Variants in RNF168 observed in about 807,000 individuals in gnomAD.
The protein encoded by RNF168 is E3 ubiquitin-protein ligase RNF168.
RNF168 carries 34 observed loss-of-function variants against 34.9 expected under a neutral mutation model. The observed-to-expected ratio is 0.97, with a 90% CI of 0.74 to 1.30. RNF168 has a LOEUF of 1.30. Among genes scored for constraint, RNF168 ranks in the 50% most tolerant of loss-of-function variants. The pLI, the probability that RNF168 is intolerant of heterozygous loss-of-function variation, is 0.00. For synonymous variants in RNF168, 264 were observed against 254.7 expected (o/e 1.04, Z -0.35); for missense variants, 725 against 682.5 (o/e 1.06, Z -0.69).
chr3:196,480,408 C>G (rs1577512244), intron 4 of RNF168, among the ~76,000 whole-genome samples: 1 of 152,186 alleles, frequency 6.6e-6, no homozygotes, highest in African/African-American at 2.4e-5. Context: ...TTATATCTTA[C>G]TTTTTAAAAC....
chr3:196,486,161 T>G (rs1280112632), intron 3 of RNF168, among the ~76,000 whole-genome samples: 1 of 152,200 alleles, frequency 6.6e-6, no homozygotes. Context: ...TATCTAAAAA[T>G]TTAATGTGCC....
At chr3:196,486,870 A>T (rs1370405728) in intron 3 of RNF168, among the ~76,000 whole-genome samples, 1 of 152,176 alleles carries the variant, frequency 6.6e-6, no homozygotes, top group African/African-American at 2.4e-5. Flanking sequence ...GGAGCTCGAC[A>T]CCAGTTCAGG....
At chr3:196,483,955 T>C in intron 3 of RNF168, 64 bp from the exon 4 acceptor site, 1 of 1,183,392 alleles carries the variant, frequency 8.5e-7, no homozygotes, top group Non-Finnish European at 1.3e-6. Flanking sequence ...AATAAGCTAT[T>C]AATTTGACTA....
At chr3:196,502,774 G>T in intron 1 of RNF168, 99 bp downstream of exon 1, 2 of 1,076,808 alleles carry the variant, frequency 1.9e-6, no homozygotes, top group Non-Finnish European at 2.8e-6. Flanking sequence ...TACTAGTCGG[G>T]TTTTTTGGTT....
chr3:196,492,736 C>T (rs1401117159), intron 1 of RNF168, among the ~76,000 whole-genome samples: 1 of 151,950 alleles, frequency 6.6e-6, no homozygotes, highest in Non-Finnish European at 1.5e-5. Flanking sequence ...CAAGATCGCA[C>T]CATTGCACTC....
rs1482366611 is a variant in RNF168, at chr3:196,469,273, C to CT, written c.*2545dup. 1 of 152,142 alleles carries CT rather than the reference C, an allele frequency of 6.6e-6. No homozygotes were observed. The highest frequency in any genetic ancestry group is 1.5e-5 in the Non-Finnish European group (1 of 68,018). 9.4% of individuals were successfully genotyped at this position (152,142 alleles called of 1,614,324 possible). On this transcript the variant is annotated 3_prime_UTR_variant, in exon 6 of 6. Coordinates refer to ENST00000318037, the MANE Select transcript of RNF168 (RefSeq NM_152617.4). ...GACAAATTTGGTTTATTTATTTTTA[C>CT]TTAACGACCCATGTGATAGTATAGT...
At chr3:196,488,525 A>T (rs779720767) in intron 2 of RNF168, 82 bp downstream of exon 2, 31 of 818,838 alleles carry the variant, frequency 3.8e-5, no homozygotes, top group Non-Finnish European at 5.8e-5. Flanking sequence ...CTAGTTATAT[A>T]AGCACAAAAA....
chr3:196,481,962 CT>C (rs1270244249), intron 4 of RNF168, among the ~76,000 whole-genome samples: 16,387 of 135,338 alleles, frequency 0.12, 1,757 homozygotes, highest in African/African-American at 0.25. Flanking sequence ...CTGTCCCTGG[CT>C]TTTTTTTTTT....
chr3:196,483,155 T>C (rs1001869817), intron 4 of RNF168, among the ~76,000 whole-genome samples: 30 of 152,028 alleles, frequency 2.0e-4, no homozygotes, highest in African/African-American at 7.0e-4. Context: ...CTAAGCTTCC[T>C]CCCACCTCAA....
chr3:196,482,868 C>A (rs1732330004), intron 4 of RNF168, among the ~76,000 whole-genome samples: 1 of 152,072 alleles, frequency 6.6e-6, no homozygotes, highest in South Asian at 2.1e-4. Context: ...ATTGTTACAA[C>A]TTTAATCCAT....
chr3:196,475,552 C>CTT (rs771089639), intron 4 of RNF168, among the ~76,000 whole-genome samples: 73,097 of 133,294 alleles, frequency 0.55, 20,944 homozygotes, highest in Non-Finnish European at 0.61. Context: ...AATATTTTTT[C>CTT]TTTTTTTTTT....
intron 1 of RNF168, among the ~76,000 whole-genome samples, chr3:196,496,363 G>A (rs765131151): frequency 2.2e-4 from 34 of 151,972 alleles, no homozygotes; most frequent in South Asian, 2.1e-4. Context: ...AACCTTAGAC[G>A]TTCCTTGGGT....
At chr3:196,493,133 A>C (rs574596440) in intron 1 of RNF168, among the ~76,000 whole-genome samples, 38 of 152,344 alleles carry the variant, frequency 2.5e-4, no homozygotes, top group African/African-American at 8.7e-4. Context: ...AGTGTCCAGA[A>C]TATAACTAGA....
In RNF168 at chr3:196,471,760, T is replaced by C. The variant is rs1214743097; in HGVS notation, c.*59A>G. ...TGACACATGGATGAAGATTCCATGA[T>C]AGGAAAGAGCTTCACATTCCAGCTT... On this transcript the variant is annotated 3_prime_UTR_variant, in exon 6 of 6. Coordinates refer to ENST00000318037, the MANE Select transcript of RNF168 (RefSeq NM_152617.4). 6.4e-6 allele frequency: 7 copies of C among 1,087,884 alleles called. No individual in the cohort carries two copies. The Admixed American group carries it at 8.5e-5, about 13-fold the overall frequency. 67.4% of individuals were successfully genotyped at this position (1,087,884 alleles called of 1,614,324 possible). A position where few individuals can be genotyped will look rare whatever the true frequency, so the allele number is the denominator to read the frequency against.
In RNF168 at chr3:196,471,694, C is replaced by T; in HGVS notation, c.*125G>A. The T allele has an allele frequency of 1.3e-6, 1 of 746,738 alleles. No homozygotes were observed. The allele number at this position is 746,738 out of a possible 1,614,324, so 46.3% of individuals were successfully genotyped here. On this transcript the variant is annotated 3_prime_UTR_variant, in exon 6 of 6. Transcript: ENST00000318037. ...ATGCAGTCCTTACAATCACACAGAC[C>T]TTCATTAAGGACAATGAGTGTGCCT... is the stretch of plus-strand genomic sequence containing the variant.
intron 1 of RNF168, among the ~76,000 whole-genome samples, chr3:196,501,856 G>T (rs1225038576): frequency 6.6e-6 from 1 of 151,940 alleles, no homozygotes; most frequent in Non-Finnish European, 1.5e-5. Flanking sequence ...CTCCCAAAGC[G>T]CTGGGATTAC....
chr3:196,483,307 A>G (rs938175198), intron 4 of RNF168, among the ~76,000 whole-genome samples: 2 of 152,202 alleles, frequency 1.3e-5, no homozygotes, highest in Non-Finnish European at 2.9e-5. Context: ...GGGAAAGCTG[A>G]TGTTTGCGTA....
intron 4 of RNF168, among the ~76,000 whole-genome samples, chr3:196,479,499 G>A (rs991080303): frequency 6.1e-5 from 9 of 146,952 alleles, no homozygotes; most frequent in African/African-American, 1.3e-4. Context: ...CAGGGTTTCC[G>A]CATGTTGCCC....
At chr3:196,502,757 A>T in intron 1 of RNF168, 116 bp downstream of exon 1, 1 of 883,774 alleles carries the variant, frequency 1.1e-6, no homozygotes, top group Non-Finnish European at 1.9e-6. Context: ...AGAACTATTT[A>T]GACAAATACT....
Sources: gnomAD v4.1 joint callset for allele counts (sites outside exome capture counted in the v4.1 genomes callset) on GRCh38, gnomAD v4.1.1 for gene constraint, MANE v1.5 for transcripts, NCBI Gene and HGNC (gene_info 2026-07-23, HGNC 2026-07-21) for gene names.